The following MSH4 variants were observed in gnomAD, a reference collection of about 807,000 sequenced individuals.
The protein encoded by MSH4 is mutS homolog 4, also known as mutS protein homolog 4.
A neutral mutation model predicts 113.7 loss-of-function variants in MSH4; 106 were observed. The observed-to-expected ratio is 0.93, with a 90% CI of 0.80 to 1.10. MSH4 has a LOEUF of 1.10. Among genes scored for constraint, MSH4 ranks in the 50% least tolerant of loss-of-function variants. The pLI, the probability that MSH4 is intolerant of heterozygous loss-of-function variation, is 0.00. For missense variants in MSH4, 1,061 were observed against 1,093.7 expected (o/e 0.97, Z 0.42); for synonymous variants, 368 against 380.2 (o/e 0.97, Z 0.37).
intron 15 of MSH4, among the ~76,000 whole-genome samples, chr1:75,888,512 T>C (rs940858850): frequency 1.3e-5 from 2 of 152,090 alleles, no homozygotes; most frequent in Admixed American, 6.5e-5. Context: ...TTCTGAATGT[T>C]TCTCCATGTT....
At chr1:75,908,457 T>A (rs1354542218) in intron 19 of MSH4, among the ~76,000 whole-genome samples, 2 of 152,312 alleles carry the variant, frequency 1.3e-5, no homozygotes, top group Non-Finnish European at 2.9e-5. Context: ...AACTTTAATC[T>A]CTTTATTAAA....
At chr1:75,857,500 G>A (rs1229844754) in intron 8 of MSH4, among the ~76,000 whole-genome samples, 1 of 152,056 alleles carries the variant, frequency 6.6e-6, no homozygotes, top group East Asian at 1.9e-4. Context: ...TCAGTTTTCT[G>A]CATATGGCTA....
intron 7 of MSH4, among the ~76,000 whole-genome samples, chr1:75,825,422 G>C (rs1650524906): frequency 6.6e-6 from 1 of 152,090 alleles, no homozygotes; most frequent in Admixed American, 6.6e-5. Context: ...GAGACAATTT[G>C]ACTTTCTCTC....
chr1:75,891,380 A>G (rs955233080), intron 17 of MSH4, among the ~76,000 whole-genome samples: 3 of 152,182 alleles, frequency 2.0e-5, no homozygotes, highest in Non-Finnish European at 4.4e-5. Context: ...TTCTTATTTA[A>G]GATACCTTAA....
At chr1:75,831,665 C>T (rs1287778333) in intron 7 of MSH4, among the ~76,000 whole-genome samples, 2 of 152,192 alleles carry the variant, frequency 1.3e-5, no homozygotes, top group Non-Finnish European at 2.9e-5. Context: ...GGAAACTGAA[C>T]AACCTGCTCC....
rs775893301 is a variant in MSH4 at position 75,883,806 on chromosome 1, A to C, written c.2092A>C (p.Ile698Leu). Residue 698 changes from isoleucine to leucine, a missense_variant, in exon 15 of 20, where the codon ATT (isoleucine) becomes CTT (leucine). Coordinates refer to ENST00000263187, the MANE Select transcript of MSH4 (RefSeq NM_002440.4). Reference sequence around the variant, plus strand: ...TTTAAAACAGATTGCTCTTTGTCAGATTATGGCCCAGATTGGTAAGTTATG... The same window carrying C: ...TTTAAAACAGATTGCTCTTTGTCAGCTTATGGCCCAGATTGGTAAGTTATG... ...TYLKQIALCQ[I>L]MAQIGSYVPA... 1 of 1,612,270 alleles carries C rather than the reference A, an allele frequency of 6.2e-7. No individual in the cohort carries two copies. Among genetic ancestry groups the C allele is most frequent in the Non-Finnish European group, 8.5e-7 (1 of 1,179,160 alleles).
chr1:75,860,677 C>T (rs1171553360), intron 8 of MSH4, among the ~76,000 whole-genome samples: 1 of 152,206 alleles, frequency 6.6e-6, no homozygotes, highest in Non-Finnish European at 1.5e-5. Flanking sequence ...CCTGACCTTT[C>T]TCTGGCTGCC....
chr1:75,846,069 A>G lies in MSH4; in HGVS notation c.1163-2140A>G, dbSNP rs562265793. 6.6e-5 allele frequency among the ~76,000 whole-genome samples: 10 copies of G among 152,266 alleles called. No individual in the cohort carries two copies. The East Asian group carries it at 1.7e-3, about 26-fold the overall frequency. ...CTGAGCTACAGTTGTGGTGGCTGAG[A>G]GGTGCTATGCCAGAATTAAGGAAGC... On this transcript the variant is annotated intron_variant, in intron 7 of 19. Coordinates refer to ENST00000263187, the MANE Select transcript of MSH4 (RefSeq NM_002440.4).
intron 19 of MSH4, among the ~76,000 whole-genome samples, chr1:75,906,284 G>C (rs1255908145): frequency 6.7e-6 from 1 of 148,546 alleles, no homozygotes; most frequent in Non-Finnish European, 1.5e-5. Context: ...GGAGAATTTA[G>C]GACATTTACA....
In MSH4 at chr1:75,882,713, C is replaced by T. The variant is rs371502765; in HGVS notation, c.1907-908C>T. ...AATCGGTGAGAAGTGGTGGCAGGTG[C>T]CTGTACTCCCAGCTTCTTGAAAGGC... On this transcript the variant is annotated intron_variant, in intron 14 of 19. Transcript: ENST00000263187. 3.4e-3 allele frequency among the ~76,000 whole-genome samples: 502 copies of T among 146,014 alleles called. 2 individuals carry two copies. Among genetic ancestry groups the T allele is most frequent in the African/African-American group, 0.012 (487 of 39,874 alleles).
intron 7 of MSH4, among the ~76,000 whole-genome samples, chr1:75,824,772 T>C (rs1650507542): frequency 1.3e-5 from 2 of 149,792 alleles, no homozygotes. Context: ...GTCAAACATA[T>C]GTGGTGTTAT....
At chr1:75,834,620 G>A (rs1481508137) in intron 7 of MSH4, among the ~76,000 whole-genome samples, 2 of 152,192 alleles carry the variant, frequency 1.3e-5, no homozygotes, top group East Asian at 3.9e-4. Flanking sequence ...ATGAGTTCAT[G>A]TCCTTTGTAG....
intron 7 of MSH4, among the ~76,000 whole-genome samples, chr1:75,823,086 C>A (rs1467225264): frequency 6.6e-6 from 1 of 152,130 alleles, no homozygotes; most frequent in Non-Finnish European, 1.5e-5. Context: ...GAATCCTTTG[C>A]CCCTTTCTAG....
intron 8 of MSH4, among the ~76,000 whole-genome samples, chr1:75,862,061 G>A (rs969319444): frequency 6.6e-6 from 1 of 152,158 alleles, no homozygotes; most frequent in African/African-American, 2.4e-5. Context: ...AGCTACCAGG[G>A]AGGAGGTCTC....
chr1:75,842,731 C>A (rs1374664652), intron 7 of MSH4, among the ~76,000 whole-genome samples: 1 of 151,848 alleles, frequency 6.6e-6, no homozygotes, highest in African/African-American at 2.4e-5. Flanking sequence ...TCTGGGAGGA[C>A]GCCCGTTGCC....
intron 12 of MSH4, among the ~76,000 whole-genome samples, 162 bp from the exon 13 acceptor site, chr1:75,879,888 T>C (rs1425945550): frequency 6.6e-6 from 1 of 152,206 alleles, no homozygotes. Context: ...TGAAGTGATC[T>C]ACCTCTTACA....
At position 75,906,378 on chromosome 1, in the gene MSH4, T is replaced by C. The variant is rs1263453903; in HGVS notation, c.2620-6318T>C. On this transcript the variant is annotated intron_variant, in intron 19 of 19. Transcript: ENST00000263187. ...GTTTTGTAAGTGCTCTCTTTCTTCC[T>C]TTTTGATTAAGTAATTTTTTCTGGT... Among the ~76,000 whole-genome samples the C allele has an allele frequency of 6.0e-5, 8 of 132,572 alleles. 1 individual carries two copies. 87.0% of individuals were successfully genotyped at this position (132,572 alleles called of 152,430 possible).
At chr1:75,860,775 G>C (rs1437196123) in intron 8 of MSH4, among the ~76,000 whole-genome samples, 1 of 152,134 alleles carries the variant, frequency 6.6e-6, no homozygotes, top group East Asian at 1.9e-4. Context: ...TCTTTGTGAT[G>C]TTCTCTGTAT....
chr1:75,896,347 ACACACACACACACAC>A (rs1652382279), intron 17 of MSH4, among the ~76,000 whole-genome samples: 1 of 2,422 alleles, frequency 4.1e-4, no homozygotes, highest in South Asian at 0.02. Context: ...CACACATACA[ACACACACACACACAC>A]ACACACACAC....
Sources: allele counts gnomAD v4.1 joint callset (sites outside exome capture counted in the v4.1 genomes callset), GRCh38; gene constraint gnomAD v4.1.1; transcripts MANE v1.5; gene names NCBI Gene and HGNC (gene_info 2026-07-23, HGNC 2026-07-21).